Variants in SSUH2 observed in about 807,000 individuals in gnomAD.
SSUH2 encodes the protein protein SSUH2 homolog.
A neutral mutation model predicts 55.3 loss-of-function variants in SSUH2; 47 were observed. The observed-to-expected ratio is 0.85, with a 90% confidence interval of 0.67 to 1.08. The LOEUF (loss-of-function observed/expected upper bound fraction) is 1.08. Among genes scored for constraint, SSUH2 ranks in the 50% least tolerant of loss-of-function variants. The pLI is 0.00. For synonymous variants in SSUH2, 212 were observed against 191.5 expected (o/e 1.11, Z -0.89); for missense variants, 535 against 490.7 (o/e 1.09, Z -0.85).
At chr3:8,681,486 C>T (rs1325399497) in intron 1 of SSUH2, among the ~76,000 whole-genome samples, 3 of 143,620 alleles carry the variant, frequency 2.1e-5, no homozygotes, top group Non-Finnish European at 4.6e-5. Context: ...AGGGGGGAGG[C>T]AGCCCCCACG....
intron 8 of SSUH2, 99 bp from the exon 9 acceptor site, chr3:8,626,420 T>C (rs1697537489): frequency 1.2e-6 from 1 of 840,426 alleles, no homozygotes; most frequent in Non-Finnish European, 2.0e-6. Flanking sequence ...AGGTAGACTG[T>C]GGTGGGCCTG....
At chr3:8,655,589 G>A (rs931681998) in intron 7 of SSUH2, among the ~76,000 whole-genome samples, 4 of 152,014 alleles carry the variant, frequency 2.6e-5, no homozygotes, top group Non-Finnish European at 2.9e-5. Context: ...GCCCCCATTA[G>A]TCCCCACAAC....
rs533855375 is a variant in SSUH2, at chr3:8,668,036, A to T, written c.-455+2962T>A. Among the ~76,000 whole-genome samples, 129 of 152,278 alleles carry T rather than the reference A, an allele frequency of 8.5e-4. 1 individual carries two copies. The highest frequency in any genetic ancestry group is 2.8e-3 in the African/African-American group (118 of 41,560). ...CACCTCCTTACAGAAATTAATTTTC[A>T]ATTTTTAAAAAAAATTAAATTAACT... On this transcript the variant is annotated intron_variant, in intron 5 of 18. Transcript: ENST00000317371.
chr3:8,650,518 G>A (rs1702273080), intron 7 of SSUH2, among the ~76,000 whole-genome samples: 1 of 152,206 alleles, frequency 6.6e-6, no homozygotes, highest in Non-Finnish European at 1.5e-5. Flanking sequence ...CCAAAGATAA[G>A]CTTTGTTCCA....
At chr3:8,666,459 G>A (rs542342826) in intron 5 of SSUH2, among the ~76,000 whole-genome samples, 4 of 152,282 alleles carry the variant, frequency 2.6e-5, no homozygotes, top group Non-Finnish European at 5.9e-5. Flanking sequence ...GGTTTATGAA[G>A]GAGAAACCTG....
upstream of SSUH2, among the ~76,000 whole-genome samples, chr3:8,648,540 A>T (rs1377797673): frequency 3.9e-5 from 6 of 152,030 alleles, no homozygotes; most frequent in Admixed American, 1.3e-4. Context: ...CCTCAGCGAC[A>T]GCAAAGCCAC....
intron 1 of SSUH2, among the ~76,000 whole-genome samples, chr3:8,639,521 C>G (rs1264447604): frequency 6.6e-6 from 1 of 152,206 alleles, no homozygotes; most frequent in African/African-American, 2.4e-5. Flanking sequence ...CAAAGAGCAT[C>G]AGGTGAATGT....
chr3:8,650,922 T>G (rs1166857885), intron 7 of SSUH2, among the ~76,000 whole-genome samples: 1 of 152,106 alleles, frequency 6.6e-6, no homozygotes, highest in Non-Finnish European at 1.5e-5. Flanking sequence ...GGCTAGAAAA[T>G]GGAAGAGGTT....
At chr3:8,624,934 T>C (rs1225301302) in intron 10 of SSUH2, among the ~76,000 whole-genome samples, 1 of 152,090 alleles carries the variant, frequency 6.6e-6, no homozygotes, top group African/African-American at 2.4e-5. Context: ...CACTCCCCAA[T>C]TGCCCTGCAT....
chr3:8,635,630 T>C (rs1250890778), intron 2 of SSUH2, 129 bp downstream of exon 2: 6 of 913,762 alleles, frequency 6.6e-6, no homozygotes, highest in Non-Finnish European at 9.6e-6. Flanking sequence ...CTGCCCAAGA[T>C]GAGGGGCTTC....
chr3:8,654,096 GC>G (rs1702705236), intron 7 of SSUH2, among the ~76,000 whole-genome samples: 1 of 152,200 alleles, frequency 6.6e-6, no homozygotes, highest in Non-Finnish European at 1.5e-5. Context: ...AGATCAGGGT[GC>G]CAGCATGGTT....
chr3:8,651,155 C>A (rs1702355233), intron 7 of SSUH2, among the ~76,000 whole-genome samples: 1 of 152,220 alleles, frequency 6.6e-6, no homozygotes. Flanking sequence ...AATTTTCAAA[C>A]ACAAATTCAA....
In SSUH2 at chr3:8,670,993, T is replaced by C. The variant is rs73812749; in HGVS notation, c.-455+5A>G. ...GGATATAACGAATAATGTCAGAGAA[T>C]GTACCTGCATTGGGACATCAGTAGT... is the stretch of plus-strand genomic sequence containing the variant. On this transcript the variant is annotated splice_donor_5th_base_variant and intron_variant, in intron 5 of 18. Coordinates refer to the SSUH2 transcript ENST00000317371. The C allele has an allele frequency of 3.6e-3, 1,530 of 425,742 alleles. 19 individuals carry two copies. Among genetic ancestry groups the C allele is most frequent in the African/African-American group, 0.028 (1,394 of 49,756 alleles). The allele number at this position is 425,742 out of a possible 1,614,324, so 26.4% of individuals were successfully genotyped here. A position where few individuals can be genotyped will look rare whatever the true frequency, so the allele number is the denominator to read the frequency against.
At chr3:8,669,523 A>G (rs146799871) in intron 5 of SSUH2, among the ~76,000 whole-genome samples, 6 of 152,296 alleles carry the variant, frequency 3.9e-5, no homozygotes, top group African/African-American at 1.4e-4. Flanking sequence ...CTAAGAAGAA[A>G]AGGGATAAGA....
chr3:8,626,365 C>T, intron 8 of SSUH2, 44 bp from the exon 9 acceptor site: 1 of 1,528,980 alleles, frequency 6.5e-7, no homozygotes, highest in African/African-American at 1.4e-5. Flanking sequence ...AGTTGCAGGT[C>T]CTGGTGGCTT....
chr3:8,626,350 A>G (rs991544336), intron 8 of SSUH2, 29 bp from the exon 9 acceptor site: 3 of 1,593,960 alleles, frequency 1.9e-6, no homozygotes, highest in Non-Finnish European at 2.6e-6. Context: ...CCGTACCCCC[A>G]GATCAGTTGC....
chr3:8,633,928 G>C (rs779070297), intron 3 of SSUH2, 133 bp from the exon 4 acceptor site: 15 of 1,613,846 alleles, frequency 9.3e-6, no homozygotes, highest in Non-Finnish European at 8.5e-7. Context: ...CAGTCCAACT[G>C]GGGAGGGCAT....
At chr3:8,651,998 C>T (rs995799542) in intron 7 of SSUH2, 3 of 152,646 alleles carry the variant, frequency 2.0e-5, no homozygotes, top group Non-Finnish European at 4.4e-5. Flanking sequence ...ACCCCTCCAT[C>T]CGGGGGTCTC....
Position 8,623,585 on chromosome 3 carries a change from G to T in SSUH2, c.945C>A (p.Ser315Arg). 1.3e-6 allele frequency: 2 copies of T among 1,550,850 alleles called. No homozygotes were observed. Among genetic ancestry groups the T allele is most frequent in the South Asian group, 1.2e-5 (1 of 83,990 alleles). The change falls in exon 11 of 12, where the codon AGC (serine) becomes AGA (arginine). Residue 315 changes from serine (S) to arginine (R), a missense_variant. By Grantham distance (110) the Ser-to-Arg change is moderately radical (BLOSUM62 -1). Transcript: ENST00000544814. ...CGCGGGCACGGGAGGCCAAGGCAGC[G>T]CTGTGCTCTGCAATGCCCCTCTGGG... ...LASQRGIAEH[S>R]AALASRARVL...
Sources: allele counts gnomAD v4.1 joint callset (sites outside exome capture counted in the v4.1 genomes callset), GRCh38; gene constraint gnomAD v4.1.1; transcripts MANE v1.5; gene names NCBI Gene and HGNC (gene_info 2026-07-23, HGNC 2026-07-21).